Variants in PCBP4 observed in about 807,000 individuals in gnomAD.
The protein encoded by PCBP4 is poly(rC)-binding protein 4.
A neutral mutation model predicts 46.2 loss-of-function variants in PCBP4; 24 were observed. The observed-to-expected ratio is 0.52, with a 90% CI of 0.38 to 0.73. The LOEUF is 0.73. Among genes scored for constraint, PCBP4 ranks in the 30% least tolerant of loss-of-function variants. The pLI, the probability that PCBP4 is intolerant of heterozygous loss-of-function variation, is 0.00. For synonymous variants in PCBP4, 203 were observed against 224.4 expected (o/e 0.90, Z 0.85); for missense variants, 407 against 537.0 (o/e 0.76, Z 2.39).
Position 51,960,569 on chromosome 3 carries a change from G to C in PCBP4, c.212C>G (p.Ala71Gly), listed in dbSNP as rs1700103508. 5 of 1,614,048 alleles carry C rather than the reference G, an allele frequency of 3.1e-6. No individual in the cohort carries two copies. The highest frequency in any genetic ancestry group is 4.2e-6 in the Non-Finnish European group (5 of 1,179,974). The change falls in exon 6 of 14, where the codon GCT (alanine) becomes GGT (glycine). Residue 71 changes from alanine (A) to glycine (G), a missense_variant. Transcript: ENST00000461554. The surrounding 1 kb of genome is among the most constrained non-coding windows in gnomAD (Gnocchi z 5.0). ...RITTITGSTA[A>G]VFHAVSMIAF... ...AATCATGGAGACTGCATGGAAGACA[G>C]CTGCTGTAGACCCGGTGATGGTGGT...
At position 51,958,431 on chromosome 3, in the gene PCBP4, T is replaced by G; in HGVS notation, c.924-82A>C. The G allele has an allele frequency of 1.0e-6, 1 of 965,728 alleles. No individual in the cohort carries two copies. The highest frequency in any genetic ancestry group is 1.5e-6 in the Non-Finnish European group (1 of 681,864). 59.8% of individuals were successfully genotyped at this position (965,728 alleles called of 1,614,324 possible). A position where few individuals can be genotyped will look rare whatever the true frequency, so the allele number is the denominator to read the frequency against. On this transcript the variant is annotated intron_variant, in intron 13 of 13. Transcript: ENST00000461554. This position sits in a 1 kb window ranked among gnomAD's most constrained non-coding sequence, Gnocchi z 5.4. ...AATGAGGGCAGAGATGGGCATGAGA[T>G]TAGATGAAAGGCAAGAGAGAGGTAG...
At chr3:51,964,649 G>A (rs1013509409) in intron 1 of PCBP4, among the ~76,000 whole-genome samples, 2 of 152,180 alleles carry the variant, frequency 1.3e-5, no homozygotes, top group Non-Finnish European at 2.9e-5. Flanking sequence ...GCAGGGTGTG[G>A]TGGGGGTGGA....
chr3:51,966,160 G>T (rs528803099), intron 1 of PCBP4, among the ~76,000 whole-genome samples: 31 of 152,354 alleles, frequency 2.0e-4, no homozygotes, highest in African/African-American at 4.1e-4. Context: ...GGGCAGCAGT[G>T]ATGGGAGTAG....
Position 51,961,022 on chromosome 3 carries a change from G to A in PCBP4, c.93C>T (p.Ser31=). The A allele has an allele frequency of 1.2e-6, 2 of 1,614,244 alleles. No homozygotes were observed. Among genetic ancestry groups the A allele is most frequent in the Non-Finnish European group, 1.7e-6 (2 of 1,180,042 alleles). ...RMLMHGKEVG[S]IIGKKGETVK... is the part of the protein sequence containing the mutation. ...GCTAGGCACCTACCTTCCCGATGAT[G>A]CTGCCCACTTCCTGCGGACAAGACA... Residue 31 remains serine (S), a synonymous_variant, in exon 4 of 14, where the codon AGC becomes AGT. Transcript: ENST00000461554.
In PCBP4 at chr3:51,959,023, C is replaced by T; in HGVS notation, c.753+24G>A. 1 of 1,613,378 alleles carries T rather than the reference C, an allele frequency of 6.2e-7. No individual in the cohort carries two copies. The highest frequency in any genetic ancestry group is 8.5e-7 in the Non-Finnish European group (1 of 1,179,516). ...GACCCCCAGACCCCCTACCCACCCT[C>T]CAGCCATCCCATCCCCTGCTCACAT... is the stretch of plus-strand genomic sequence containing the variant. On this transcript the variant is annotated intron_variant, in intron 12 of 13. Coordinates refer to ENST00000461554, the MANE Select transcript of PCBP4 (RefSeq NM_001174100.2). The surrounding 1 kb of genome is among the most constrained non-coding windows in gnomAD (Gnocchi z 5.6).
chr3:51,967,242 G>A (rs1050719965), intron 1 of PCBP4, 84 bp downstream of exon 1: 2 of 152,154 alleles, frequency 1.3e-5, no homozygotes, highest in African/African-American at 2.4e-5. Context: ...GACCCCAACC[G>A]AGGGATCTGG....
rs771732750 is a variant in PCBP4, at chr3:51,960,040, G to C, written c.388-17C>G. 140 of 1,614,120 alleles carry C rather than the reference G, an allele frequency of 8.7e-5. No individual in the cohort carries two copies. Among genetic ancestry groups the C allele is most frequent in the Non-Finnish European group, 1.2e-4 (136 of 1,180,040 alleles). Reference sequence around the variant, plus strand: ...ACCCGTAGTCTGCAAACAGAGAACAGGGGCCACTTCTGGCTGCTCCCATAA... The same window carrying C: ...ACCCGTAGTCTGCAAACAGAGAACACGGGCCACTTCTGGCTGCTCCCATAA... On this transcript the variant is annotated splice_polypyrimidine_tract_variant and intron_variant, in intron 7 of 13. Transcript: ENST00000461554. The surrounding 1 kb of genome is among the most constrained non-coding windows in gnomAD (Gnocchi z 5.0).
rs375821802 is a variant in PCBP4 at position 51,960,880 on chromosome 3, G to C, written c.124C>G (p.Arg42Gly). Residue 42 changes from arginine to glycine, a missense_variant, in exon 5 of 14, where the codon CGA becomes GGA. Coordinates refer to ENST00000461554, the MANE Select transcript of PCBP4 (RefSeq NM_001174100.2). The surrounding 1 kb of genome is among the most constrained non-coding windows in gnomAD (Gnocchi z 5.0). The part of the protein sequence containing the change: ...IIGKKGETVK[R>G]IREQSSARIT... ...TCCATCCTCACCTGCTCCCGGATTC[G>C]CTTTACAGTCTCGCCCTTCTGTGGG... 12 of 1,613,506 alleles carry C rather than the reference G, an allele frequency of 7.4e-6. No individual in the cohort carries two copies. Among genetic ancestry groups the C allele is most frequent in the Non-Finnish European group, 8.5e-7 (1 of 1,180,012 alleles).
At position 51,960,128 on chromosome 3, in the gene PCBP4, C is replaced by A. The variant is rs1473212204; in HGVS notation, c.387+61G>T. 3.7e-6 allele frequency: 6 copies of A among 1,614,098 alleles called. No homozygotes were observed. Among genetic ancestry groups the A allele is most frequent in the Non-Finnish European group, 2.5e-6 (3 of 1,179,936 alleles). On this transcript the variant is annotated intron_variant, in intron 7 of 13. Coordinates refer to ENST00000461554, the MANE Select transcript of PCBP4 (RefSeq NM_001174100.2). The surrounding 1 kb of genome is among the most constrained non-coding windows in gnomAD (Gnocchi z 5.0). ...TGGGGAGGACGCCATAAGCCCAACACCCCTCTTACAACTGCTCCCTTGCCC... is the reference window on the plus strand; with the variant it reads ...TGGGGAGGACGCCATAAGCCCAACAACCCTCTTACAACTGCTCCCTTGCCC...
chr3:51,959,142 C>G lies in PCBP4; in HGVS notation c.701-43G>C, dbSNP rs751989934. ...GACTGAGTGTGGTTCTGGGCCTTTC[C>G]CGCCCCACCATTTCCACTCTCCCTG... On this transcript the variant is annotated intron_variant, in intron 11 of 13. Transcript: ENST00000461554. This position sits in a 1 kb window ranked among gnomAD's most constrained non-coding sequence, Gnocchi z 5.6. 2.5e-5 allele frequency: 41 copies of G among 1,612,944 alleles called. 1 individual carries two copies. The South Asian group carries it at 4.3e-4, about 17-fold the overall frequency.
chr3:51,964,952 G>T (rs1700351352), intron 1 of PCBP4, among the ~76,000 whole-genome samples: 1 of 152,190 alleles, frequency 6.6e-6, no homozygotes, highest in South Asian at 2.1e-4. Flanking sequence ...GAAGGGAAAG[G>T]CAGCTCTGAC....
chr3:51,960,451 A>T lies in PCBP4; in HGVS notation c.255+75T>A, dbSNP rs551869435. The T allele has an allele frequency of 1.3e-6, 2 of 1,547,158 alleles. No homozygotes were observed. The highest frequency in any genetic ancestry group is 2.7e-5 in the African/African-American group (2 of 73,120). On this transcript the variant is annotated intron_variant, in intron 6 of 13. Coordinates refer to ENST00000461554, the MANE Select transcript of PCBP4 (RefSeq NM_001174100.2). This position sits in a 1 kb window ranked among gnomAD's most constrained non-coding sequence, Gnocchi z 5.0. Reference sequence around the variant, plus strand: ...GGGCTTGACCTCCCCTCCCACCCATAGCCACTATCTGGAGTCAGAGTTGGG... The same window carrying T: ...GGGCTTGACCTCCCCTCCCACCCATTGCCACTATCTGGAGTCAGAGTTGGG...
rs1700095539 is a variant in PCBP4 at position 51,960,459 on chromosome 3, T to C, written c.255+67A>G. 1 of 1,550,662 alleles carries C rather than the reference T, an allele frequency of 6.4e-7. No individual in the cohort carries two copies. The highest frequency in any genetic ancestry group is 8.9e-7 in the Non-Finnish European group (1 of 1,123,478). The stretch of plus-strand genomic sequence containing the variant: ...CCTCCCCTCCCACCCATAGCCACTA[T>C]CTGGAGTCAGAGTTGGGTTCCTCCT... On this transcript the variant is annotated intron_variant, in intron 6 of 13. Coordinates refer to ENST00000461554, the MANE Select transcript of PCBP4 (RefSeq NM_001174100.2). The surrounding 1 kb of genome is among the most constrained non-coding windows in gnomAD (Gnocchi z 5.0).
chr3:51,965,359 C>G (rs1050399236), intron 1 of PCBP4, among the ~76,000 whole-genome samples: 1 of 152,222 alleles, frequency 6.6e-6, no homozygotes, highest in Non-Finnish European at 1.5e-5. Flanking sequence ...TCGGGCCTTT[C>G]TCCAGGCTTA....
chr3:51,960,580 C>T lies in PCBP4; in HGVS notation c.201G>A (p.Gly67=). ...CTGCATGGAAGACAGCTGCTGTAGACCCGGTGATGGTGGTGATGCGTTCAG... is the reference window on the plus strand; with the variant it reads ...CTGCATGGAAGACAGCTGCTGTAGATCCGGTGATGGTGGTGATGCGTTCAG... ...SCPERITTIT[G]STAAVFHAVS... The change falls in exon 6 of 14, where the codon GGG becomes GGA. Residue 67 remains glycine, a synonymous_variant. Transcript: ENST00000461554. The surrounding 1 kb of genome is among the most constrained non-coding windows in gnomAD (Gnocchi z 5.0). The T allele has an allele frequency of 1.9e-6, 3 of 1,614,206 alleles. No individual in the cohort carries two copies. The highest frequency in any genetic ancestry group is 4.5e-5 in the East Asian group (2 of 44,876).
chr3:51,959,445 T>C lies in PCBP4; in HGVS notation c.592-34A>G. On this transcript the variant is annotated intron_variant, in intron 9 of 13. Transcript: ENST00000461554. The surrounding 1 kb of genome is among the most constrained non-coding windows in gnomAD (Gnocchi z 5.6). ...ACAAAGTGGATGAAAAGGGGGTTAC[T>C]GTGACATTGCAGTTCAGCCAGAGTC... 6.3e-7 allele frequency: 1 copy of C among 1,584,410 alleles called. No individual in the cohort carries two copies. The highest frequency in any genetic ancestry group is 1.7e-4 in the Middle Eastern group (1 of 5,956).
rs1700042005 is a variant in PCBP4, at chr3:51,959,634, G to C, written c.534C>G (p.Ala178=). ...AVILESPPKG[A]TIPYHPSLSL... ...AGAGGCTCGGATGGTAGGGGATAGTGGCTCCTTTGGGTGGGGACTGGAAGG... is the reference window on the plus strand; with the variant it reads ...AGAGGCTCGGATGGTAGGGGATAGTCGCTCCTTTGGGTGGGGACTGGAAGG... Residue 178 remains alanine (A), a synonymous_variant, in exon 9 of 14, where the codon GCC becomes GCG. Coordinates refer to ENST00000461554, the MANE Select transcript of PCBP4 (RefSeq NM_001174100.2). The surrounding 1 kb of genome is among the most constrained non-coding windows in gnomAD (Gnocchi z 5.6). 1 of 1,551,736 alleles carries C rather than the reference G, an allele frequency of 6.4e-7. No homozygotes were observed. Among genetic ancestry groups the C allele is most frequent in the African/African-American group, 1.4e-5 (1 of 73,052 alleles).
rs149406343 is a variant in PCBP4 at position 51,958,037 on chromosome 3, C to A, written c.*24G>T. 1.3e-6 allele frequency: 2 copies of A among 1,519,862 alleles called. No individual in the cohort carries two copies. Among genetic ancestry groups the A allele is most frequent in the Middle Eastern group, 2.5e-4 (1 of 4,066 alleles). 94.1% of individuals were successfully genotyped at this position (1,519,862 alleles called of 1,614,324 possible). ...AGCCCCCTGCTGGTGGTCCTGCCTGCCCCTGCCTGTACCTCAGCTGGCCTC... is the reference window on the plus strand; with the variant it reads ...AGCCCCCTGCTGGTGGTCCTGCCTGACCCTGCCTGTACCTCAGCTGGCCTC... On this transcript the variant is annotated 3_prime_UTR_variant, in exon 14 of 14. Transcript: ENST00000461554. The surrounding 1 kb of genome is among the most constrained non-coding windows in gnomAD (Gnocchi z 5.4).
Position 51,959,259 on chromosome 3 carries a change from C to A in PCBP4, c.670G>T (p.Val224Phe), listed in dbSNP as rs751245521. 1.4e-5 allele frequency: 22 copies of A among 1,613,860 alleles called. No homozygotes were observed. Among genetic ancestry groups the A allele is most frequent in the Non-Finnish European group, 1.8e-5 (21 of 1,179,992 alleles). Residue 224 changes from valine (V) to phenylalanine (F), a missense_variant, in exon 11 of 14, where the codon GTC (valine) becomes TTC (phenylalanine). Val to Phe is a conservative substitution (Grantham distance 50, BLOSUM62 -1). Transcript: ENST00000461554. The surrounding 1 kb of genome is among the most constrained non-coding windows in gnomAD (Gnocchi z 5.6). Reference protein sequence around the residue: ...TKLQQLSSHAVPFATPSVVPG... With the variant: ...TKLQQLSSHAFPFATPSVVPG... Reference sequence around the variant, plus strand: ...ACCACGCTGGGTGTGGCAAAGGGGACCGCATGGCTTGAGAGCTGCTGGAGC... The same window carrying A: ...ACCACGCTGGGTGTGGCAAAGGGGAACGCATGGCTTGAGAGCTGCTGGAGC...
Sources: allele counts gnomAD v4.1 joint callset (sites outside exome capture counted in the v4.1 genomes callset), GRCh38; gene constraint gnomAD v4.1.1; non-coding constraint Gnocchi (gnomAD v3.1); transcripts MANE v1.5; gene names NCBI Gene and HGNC (gene_info 2026-07-23, HGNC 2026-07-21).